Variants in HYAL3 observed in about 807,000 individuals in gnomAD.
HYAL3 encodes the protein hyaluronidase 3.
Under a neutral mutation model 29.6 loss-of-function variants are expected in HYAL3, and 25 were observed. The ratio of observed to expected loss-of-function variants is 0.85; its 90% CI spans 0.62 to 1.18. HYAL3 has a LOEUF of 1.18. Ranked by LOEUF, HYAL3 falls within the 50% of genes most tolerant of loss-of-function variation. HYAL3 has a pLI of 0.00. For missense variants in HYAL3, 442 were observed against 548.4 expected, an observed-to-expected ratio of 0.81 and a Z score of 1.94; for synonymous variants, 215 against 218.3, an observed-to-expected ratio of 0.99 and a Z score of 0.13.
chr3:50,297,122 A>G lies in HYAL3; in HGVS notation c.-17-1503T>C. 2 of 1,564,146 alleles carry G rather than the reference A, an allele frequency of 1.3e-6. No homozygotes were observed. Among genetic ancestry groups the G allele is most frequent in the Non-Finnish European group, 1.7e-6 (2 of 1,153,064 alleles). ...GGCCCACCACAACGGGTGCTGCTTC[A>G]AGTGTGGGGTGGGGGCTTAGCAGCA... On this transcript the variant is annotated intron_variant, in intron 1 of 3. Coordinates refer to ENST00000336307, the MANE Select transcript of HYAL3 (RefSeq NM_003549.4). The surrounding 1 kb of genome is among the most constrained non-coding windows in gnomAD (Gnocchi z 4.3).
At chr3:50,296,444 C>T in intron 1 of HYAL3, 1 of 817,922 alleles carries the variant, frequency 1.2e-6, no homozygotes, top group Non-Finnish European at 1.9e-6. Context: ...CGGCTCTGAG[C>T]CAGAGCCACC....
chr3:50,294,893 G>A lies in HYAL3; in HGVS notation c.710C>T (p.Ala237Val). 6.4e-7 allele frequency: 1 copy of A among 1,567,456 alleles called. No homozygotes were observed. Among genetic ancestry groups the A allele is most frequent in the East Asian group, 2.3e-5 (1 of 44,160 alleles). ...RNTQLHWLWAASSALFPSIYL... is the reference protein window; with the variant it reads ...RNTQLHWLWAVSSALFPSIYL... ...GATGCTGGGGAAGAGGGCACTGGAG[G>A]CGGCCCAGAGCCAATGCAGTTGAGT... is the stretch of plus-strand genomic sequence containing the variant. The change falls in exon 2 of 4, where the codon GCC (alanine) becomes GTC (valine). Residue 237 changes from alanine (A) to valine (V), a missense_variant. Physicochemically the swap from Ala to Val is moderately conservative, Grantham distance 64 (BLOSUM62 0). Transcript: ENST00000336307.
In HYAL3 at chr3:50,293,441, C is replaced by T. The variant is rs782733022; in HGVS notation, c.1059G>A (p.Ala353=). The change falls in exon 4 of 4, where the codon GCG becomes GCA. Residue 353 remains alanine (A), a synonymous_variant. Transcript: ENST00000336307. Reference sequence around the variant, plus strand: ...GGCACCGCTGGTGACTGCAGGCCATCGCTGCCCTGGTCACATTGATCACAT... The same window carrying T: ...GGCACCGCTGGTGACTGCAGGCCATTGCTGCCCTGGTCACATTGATCACAT... ...GPYVINVTRA[A]MACSHQRCHG... 6 of 1,613,614 alleles carry T rather than the reference C, an allele frequency of 3.7e-6. No homozygotes were observed. Among genetic ancestry groups the T allele is most frequent in the South Asian group, 2.2e-5 (2 of 91,082 alleles).
At chr3:50,294,680 C>T (rs1559806843) in intron 2 of HYAL3, 29 bp downstream of exon 2, 1 of 1,486,584 alleles carries the variant, frequency 6.7e-7, no homozygotes. Flanking sequence ...CCTCCTGACT[C>T]AGACCCCTAG....
chr3:50,293,386 G>A lies in HYAL3; in HGVS notation c.1114C>T (p.Pro372Ser). ...HGHGRCARRDPGQMEAFLHLW... is the reference protein window; with the variant it reads ...HGHGRCARRDSGQMEAFLHLW... ...TGTAGAAAGGCTTCCATCTGTCCTG[G>A]ATCTCGCCGGGCACAGCGCCCGTGG... is the stretch of plus-strand genomic sequence containing the variant. Residue 372 changes from proline to serine, a missense_variant, in exon 4 of 4, where the codon CCA (proline) becomes TCA (serine). Transcript: ENST00000336307. 1 of 1,613,644 alleles carries A rather than the reference G, an allele frequency of 6.2e-7. No homozygotes were observed. Among genetic ancestry groups the A allele is most frequent in the Non-Finnish European group, 8.5e-7 (1 of 1,180,036 alleles).
Position 50,294,973 on chromosome 3 carries a change from A to G in HYAL3, c.630T>C (p.His210=), listed in dbSNP as rs782146458. ...YHYPACGNGW[H]SMASNYTGRC... is the part of the protein sequence containing the mutation. ...GGCCGGTATAGTTGGAAGCCATACT[A>G]TGCCAGCCATTGCCACAGGCTGGGT... is the stretch of plus-strand genomic sequence containing the variant. The change falls in exon 2 of 4, where the codon CAT becomes CAC. Residue 210 remains histidine, a synonymous_variant. Coordinates refer to ENST00000336307, the MANE Select transcript of HYAL3 (RefSeq NM_003549.4). The G allele has an allele frequency of 1.1e-5, 17 of 1,612,910 alleles. No homozygotes were observed. Among genetic ancestry groups the G allele is most frequent in the Non-Finnish European group, 1.2e-5 (14 of 1,179,718 alleles).
Position 50,292,989 on chromosome 3 carries a change from G to A in HYAL3, c.*257C>T, listed in dbSNP as rs1234102887. On this transcript the variant is annotated 3_prime_UTR_variant, in exon 4 of 4. Transcript: ENST00000336307. ...GGTGTAGGCACAAAGCCCTAGGCTG[G>A]CAGCCCTAACTAGCTGGAACCTGAC... is the stretch of plus-strand genomic sequence containing the variant. 1 of 1,555,518 alleles carries A rather than the reference G, an allele frequency of 6.4e-7. No individual in the cohort carries two copies. The highest frequency in any genetic ancestry group is 8.7e-7 in the Non-Finnish European group (1 of 1,150,936).
chr3:50,296,414 C>T (rs1258934009), intron 1 of HYAL3: 1 of 640,472 alleles, frequency 1.6e-6, no homozygotes, highest in Non-Finnish European at 2.7e-6. Context: ...CCCAAGAGAG[C>T]CTTTATTCAG....
In HYAL3 at chr3:50,293,457, T is replaced by C. The variant is rs990409087; in HGVS notation, c.1043A>G (p.Asn348Ser). Residue 348 changes from asparagine (N) to serine (S), a missense_variant, in exon 4 of 4, where the codon AAT (asparagine) becomes AGT (serine). Transcript: ENST00000336307. The stretch of plus-strand genomic sequence containing the variant: ...GCAGGCCATCGCTGCCCTGGTCACA[T>C]TGATCACATAGGGGCCCAAGGTGTC... ...LVDTLGPYVI[N>S]VTRAAMACSH... The C allele has an allele frequency of 3.1e-6, 5 of 1,613,670 alleles. No homozygotes were observed. Among genetic ancestry groups the C allele is most frequent in the Non-Finnish European group, 4.2e-6 (5 of 1,180,028 alleles).
chr3:50,297,471 G>A lies in HYAL3; in HGVS notation c.-18+1742C>T, dbSNP rs1553711570. 1.3e-6 allele frequency: 2 copies of A among 1,592,684 alleles called. No homozygotes were observed. Among genetic ancestry groups the A allele is most frequent in the Non-Finnish European group, 8.6e-7 (1 of 1,167,714 alleles). On this transcript the variant is annotated intron_variant, in intron 1 of 3. Transcript: ENST00000336307. The surrounding 1 kb of genome is among the most constrained non-coding windows in gnomAD (Gnocchi z 4.3). Reference sequence around the variant, plus strand: ...ACTCAGGATCAGCTCCATCCGGTGTGTAGGGTCTAGTGTAGGGGTCAGCTT... The same window carrying A: ...ACTCAGGATCAGCTCCATCCGGTGTATAGGGTCTAGTGTAGGGGTCAGCTT...
At chr3:50,295,850 T>C (rs1701824131) in intron 1 of HYAL3, 1 of 534,170 alleles carries the variant, frequency 1.9e-6, no homozygotes, top group East Asian at 2.8e-5. Flanking sequence ...GGCTTTACAG[T>C]GAGCTGAGGG....
chr3:50,296,722 G>A, intron 1 of HYAL3: 2 of 1,612,956 alleles, frequency 1.2e-6, no homozygotes, highest in Admixed American at 1.7e-5. Flanking sequence ...AGGCACTCAG[G>A]TAGGGGAGGG....
At chr3:50,296,627 T>A in intron 1 of HYAL3, 1 of 1,614,036 alleles carries the variant, frequency 6.2e-7, no homozygotes, top group Non-Finnish European at 8.5e-7. Flanking sequence ...CCATCCAGAA[T>A]ATGGGGCGCC....
At position 50,297,813 on chromosome 3, in the gene HYAL3, G is replaced by A; in HGVS notation, c.-18+1400C>T. On this transcript the variant is annotated intron_variant, in intron 1 of 3. Coordinates refer to ENST00000336307, the MANE Select transcript of HYAL3 (RefSeq NM_003549.4). The surrounding 1 kb of genome is among the most constrained non-coding windows in gnomAD (Gnocchi z 4.3). ...CACTTTGTCCCACACTCACCTGATA[G>A]CACAGGTGACCTGGAAGAGACCCAT... 8.6e-7 allele frequency: 1 copy of A among 1,157,684 alleles called. No individual in the cohort carries two copies. The highest frequency in any genetic ancestry group is 1.1e-6 in the Non-Finnish European group (1 of 939,628). The allele number at this position is 1,157,684 out of a possible 1,614,324, so 71.7% of individuals were successfully genotyped here.
Position 50,293,483 on chromosome 3 carries a change from C to CCT in HYAL3, c.1016_1017insAG (p.Asp340GlyfsTer8). 6.2e-7 allele frequency: 1 copy of CCT among 1,613,402 alleles called. No individual in the cohort carries two copies. Among genetic ancestry groups the CCT allele is most frequent in the Non-Finnish European group, 8.5e-7 (1 of 1,179,664 alleles). On this transcript the variant is annotated frameshift_variant, in exon 4 of 4. Coordinates refer to ENST00000336307, the MANE Select transcript of HYAL3 (RefSeq NM_003549.4). LOFTEE classifies it high-confidence loss of function. ...TGATCACATAGGGGCCCAAGGTGTC[C>CCT]ACCAGGTAGTCATGGAGATGCCAGC...
chr3:50,296,508 G>A (rs1701844373), intron 1 of HYAL3: 1 of 1,412,420 alleles, frequency 7.1e-7, no homozygotes, highest in African/African-American at 1.4e-5. Context: ...TGCCCCCCAG[G>A]GGCTAGGGGC....
At position 50,295,047 on chromosome 3, in the gene HYAL3, G is replaced by T; in HGVS notation, c.556C>A (p.Arg186=). ...TGGGGCCGTAGTGCCTGGGCCACCC[G>T]CAGCGTATCCTCCATCAGTGCACGG... The part of the protein sequence containing the change: ...AARALMEDTL[R]VAQALRPHGL... The change falls in exon 2 of 4, where the codon CGG becomes AGG. Residue 186 remains arginine, a synonymous_variant. Transcript: ENST00000336307. 6.2e-7 allele frequency: 1 copy of T among 1,613,360 alleles called. No individual in the cohort carries two copies. The highest frequency in any genetic ancestry group is 8.5e-7 in the Non-Finnish European group (1 of 1,179,902).
In HYAL3 at chr3:50,294,692, C is replaced by T; in HGVS notation, c.894+17G>A. 1.3e-6 allele frequency: 2 copies of T among 1,499,898 alleles called. No individual in the cohort carries two copies. Among genetic ancestry groups the T allele is most frequent in the Non-Finnish European group, 8.9e-7 (1 of 1,123,676 alleles). The allele number at this position is 1,499,898 out of a possible 1,614,324, so 92.9% of individuals were successfully genotyped here. On this transcript the variant is annotated intron_variant, in intron 2 of 3. Coordinates refer to ENST00000336307, the MANE Select transcript of HYAL3 (RefSeq NM_003549.4). Reference sequence around the variant, plus strand: ...ATACCTCCTGACTCAGACCCCTAGACCTCAGCTTCCACTTACCTGGGACAG... The same window carrying T: ...ATACCTCCTGACTCAGACCCCTAGATCTCAGCTTCCACTTACCTGGGACAG...
Position 50,295,633 on chromosome 3 carries a change from G to C in HYAL3, c.-17-14C>G. On this transcript the variant is annotated splice_polypyrimidine_tract_variant and intron_variant, in intron 1 of 3. Coordinates refer to ENST00000336307, the MANE Select transcript of HYAL3 (RefSeq NM_003549.4). ...AAGGATGGAAACCTGCAGGAGAGAG[G>C]GGGGTGTAAGCTTAGAGTCCGCAGC... 6.6e-7 allele frequency: 1 copy of C among 1,514,436 alleles called. No individual in the cohort carries two copies. The allele number at this position is 1,514,436 out of a possible 1,614,324, so 93.8% of individuals were successfully genotyped here.
Sources: allele counts gnomAD v4.1 joint callset, GRCh38; gene constraint gnomAD v4.1.1; non-coding constraint Gnocchi (gnomAD v3.1); transcripts MANE v1.5; gene names NCBI Gene and HGNC (gene_info 2026-07-23, HGNC 2026-07-21).